The following ANO1 variants were observed in gnomAD, a reference collection of about 807,000 sequenced individuals.
ANO1 encodes the protein anoctamin-1.
A neutral mutation model predicts 124.0 loss-of-function variants in ANO1; 59 were observed. That is an observed-to-expected ratio of 0.48 (90% confidence interval 0.39 to 0.59). The LOEUF (loss-of-function observed/expected upper bound fraction) is 0.59. Ranked by LOEUF, ANO1 falls within the 20% of genes least tolerant of loss-of-function variation. The probability of loss-of-function intolerance (pLI) is 0.00; values close to 1 mark genes in which losing one functional copy is unlikely to be tolerated. For synonymous variants in ANO1, 529 were observed against 532.0 expected (o/e 0.99, Z 0.08); for missense variants, 1,059 against 1,328.0 (o/e 0.80, Z 3.15).
upstream of ANO1, among the ~76,000 whole-genome samples, chr11:70,076,451 A>C (rs2044058478): frequency 2.0e-5 from 3 of 151,706 alleles, no homozygotes; most frequent in African/African-American, 7.3e-5. Flanking sequence ...TTTTTCATGC[A>C]AACTGCACCT....
At chr11:70,134,163 C>T (rs554185192) in intron 11 of ANO1, among the ~76,000 whole-genome samples, 51 of 152,328 alleles carry the variant, frequency 3.3e-4, no homozygotes, top group African/African-American at 9.6e-4. Flanking sequence ...CCGCTGTGTG[C>T]GCAGCTGGAA....
intron 1 of ANO1, among the ~76,000 whole-genome samples, chr11:70,048,800 G>A (rs1240385838): frequency 1.3e-5 from 2 of 151,416 alleles, no homozygotes; most frequent in Non-Finnish European, 2.9e-5. Flanking sequence ...TCTCCACATT[G>A]GTGATTGGTT....
chr11:70,051,335 A>G (rs782341894), intron 1 of ANO1, among the ~76,000 whole-genome samples: 19 of 152,238 alleles, frequency 1.2e-4, no homozygotes, highest in Admixed American at 7.2e-4. Flanking sequence ...ATTCTGTTGT[A>G]TAAACACACC....
In ANO1 at chr11:70,126,083, G is replaced by T. The variant is rs772929785; in HGVS notation, c.985G>T (p.Gly329Cys). Reference protein sequence around the residue: ...LVRKYFGEKIGLYFAWLGVYT... With the variant: ...LVRKYFGEKICLYFAWLGVYT... ...TAGGAAGTATTTTGGGGAGAAGATCGGCCTGTACTTCGCCTGGCTGGGCGT... is the reference window on the plus strand; with the variant it reads ...TAGGAAGTATTTTGGGGAGAAGATCTGCCTGTACTTCGCCTGGCTGGGCGT... Residue 329 changes from glycine to cysteine, a missense_variant, in exon 10 of 26, where the codon GGC becomes TGC. Around this residue, in one of 2 missense-constraint regions of ANO1, gnomAD observed 809 missense variants for 1,094.9 expected, o/e 0.74. Coordinates refer to ENST00000355303, the MANE Select transcript of ANO1 (RefSeq NM_018043.7). The T allele has an allele frequency of 6.2e-7, 1 of 1,611,018 alleles. No individual in the cohort carries two copies.
At chr11:70,170,141 T>TG (rs35843284) in intron 21 of ANO1, 349,480 of 456,348 alleles carry the variant, frequency 0.77, 134,473 homozygotes, top group East Asian at 0.84. Context: ...AGGGGAAGTT[T>TG]GGGCTCTGGA....
Position 70,095,408 on chromosome 11 carries a change from A to AT in ANO1, c.441+7324_441+7325insT, listed in dbSNP as rs2044890022. Among the ~76,000 whole-genome samples, 6 of 41,656 alleles carry AT rather than the reference A, an allele frequency of 1.4e-4. 1 individual carries two copies. The highest frequency in any genetic ancestry group is 2.0e-3 in the South Asian group (2 of 976). 27.3% of individuals were successfully genotyped at this position (41,656 alleles called of 152,430 possible). A position where few individuals can be genotyped will look rare whatever the true frequency, so the allele number is the denominator to read the frequency against. ...AAAGAAAGAAAGAAAGAAAGAAAGA[A>AT]AGAAAGAAAGAAAGAAAGAAAAGAA... is the stretch of plus-strand genomic sequence containing the variant. On this transcript the variant is annotated intron_variant, in intron 2 of 25. Transcript: ENST00000355303.
the ANO1 span, among the ~76,000 whole-genome samples, chr11:69,975,571 C>A: frequency 1.9e-4 from 29 of 152,234 alleles, no homozygotes; most frequent in Admixed American, 5.9e-4. Context: ...AGCACAGAAG[C>A]TTGTGGGCAG....
intron 11 of ANO1, chr11:70,141,536 T>G (rs2047154347): frequency 1.3e-5 from 2 of 152,158 alleles, no homozygotes; most frequent in Non-Finnish European, 2.9e-5. Flanking sequence ...GCGGGGGGAA[T>G]TCACAAAAAA....
intron 1 of ANO1, among the ~76,000 whole-genome samples, chr11:70,024,353 G>A (rs1856855092): frequency 6.6e-6 from 1 of 152,178 alleles, no homozygotes; most frequent in South Asian, 2.1e-4. Flanking sequence ...GGGCTGAAAG[G>A]GGGCAGTGGT....
At chr11:70,172,834 T>C (rs60365608) in intron 22 of ANO1, among the ~76,000 whole-genome samples, 18,653 of 151,712 alleles carry the variant, frequency 0.12, 1,224 homozygotes, top group Middle Eastern at 0.16. Flanking sequence ...CGATTGCACT[T>C]CAGCCTGGGT....
intron 24 of ANO1, among the ~76,000 whole-genome samples, chr11:70,185,011 GCCA>G (rs1298893841): frequency 6.6e-6 from 1 of 152,156 alleles, no homozygotes; most frequent in Non-Finnish European, 1.5e-5. Context: ...ACAGGCACGA[GCCA>G]CCACACCTGG....
At chr11:69,967,292 G>A in the ANO1 span, among the ~76,000 whole-genome samples, 97,748 of 146,184 alleles carry the variant, frequency 0.67, 33,562 homozygotes, top group South Asian at 0.82. Context: ...ATCAGGCTCC[G>A]AGCGCCTGTA....
At chr11:70,113,007 C>G (rs1373733344) in intron 7 of ANO1, among the ~76,000 whole-genome samples, 2 of 152,188 alleles carry the variant, frequency 1.3e-5, no homozygotes, top group African/African-American at 4.8e-5. Context: ...CTCGTCGCCT[C>G]CCTGTCAGGG....
rs2046769163 is a variant in ANO1, at chr11:70,131,818, C to T, written c.1098-101C>T. The T allele has an allele frequency of 4.9e-6, 7 of 1,425,942 alleles. No homozygotes were observed. In the East Asian group the frequency reaches 7.5e-5, roughly 15 times the overall value. 88.3% of individuals were successfully genotyped at this position (1,425,942 alleles called of 1,614,324 possible). A position where few individuals can be genotyped will look rare whatever the true frequency, so the allele number is the denominator to read the frequency against. On this transcript the variant is annotated intron_variant, in intron 10 of 25. Transcript: ENST00000355303. ...GGACCTGAGGGACCCTCGCCAACCCCCAGCTTGGGCCCAGCGCTTTCTCCC... is the reference window on the plus strand; with the variant it reads ...GGACCTGAGGGACCCTCGCCAACCCTCAGCTTGGGCCCAGCGCTTTCTCCC...
chr11:70,101,924 C>T (rs1466146395), intron 2 of ANO1, among the ~76,000 whole-genome samples: 2 of 152,208 alleles, frequency 1.3e-5, no homozygotes, highest in African/African-American at 4.8e-5. Context: ...TGCCTTTAGG[C>T]AGCTCTGGCT....
At chr11:69,982,056 C>T (rs564814105), upstream of ANO1, among the ~76,000 whole-genome samples, 1 of 152,120 alleles carries the variant, frequency 6.6e-6, no homozygotes, top group Non-Finnish European at 1.5e-5. Context: ...TGACTGCTAG[C>T]GGGTTCGAGC....
chr11:70,118,016 A>C (rs942564367), intron 8 of ANO1, among the ~76,000 whole-genome samples: 1 of 152,044 alleles, frequency 6.6e-6, no homozygotes, highest in Non-Finnish European at 1.5e-5. Context: ...CATCCCCTCC[A>C]CAGGCCTGTC....
At chr11:70,096,410 G>T (rs1427795527) in intron 2 of ANO1, among the ~76,000 whole-genome samples, 4 of 152,182 alleles carry the variant, frequency 2.6e-5, no homozygotes, top group South Asian at 4.1e-4. Context: ...GGAGGTGAGT[G>T]GTGGGCCAGC....
intron 1 of ANO1, among the ~76,000 whole-genome samples, chr11:70,045,034 G>C (rs1362248887): frequency 1.3e-5 from 2 of 152,116 alleles, no homozygotes; most frequent in East Asian, 3.8e-4. Context: ...AAAATGCATA[G>C]ATATATACAA....
Sources: gnomAD v4.1 joint callset for allele counts (sites outside exome capture counted in the v4.1 genomes callset) on GRCh38, gnomAD v4.1.1 for gene constraint, gnomAD v4.1.1 regional missense constraint, MANE v1.5 for transcripts, NCBI Gene and HGNC (gene_info 2026-07-23, HGNC 2026-07-21) for gene names.